The following PLPPR4 variants were observed in gnomAD, a reference collection of about 807,000 sequenced individuals.
PLPPR4 encodes phospholipid phosphatase related 4.
Under a neutral mutation model 56.6 loss-of-function variants are expected in PLPPR4, and 24 were observed. The ratio of observed to expected loss-of-function variants is 0.42; its 90% CI spans 0.31 to 0.60. The LOEUF (loss-of-function observed/expected upper bound fraction) is 0.60. PLPPR4 is among the 20% of genes least tolerant of loss of function. PLPPR4 has a pLI of 0.13. For synonymous variants in PLPPR4, 326 were observed against 328.1 expected (o/e 0.99, Z 0.07); for missense variants, 654 against 885.8 (o/e 0.74, Z 3.32).
rs1330568022 is a variant in PLPPR4, at chr1:99,265,347, CTGAG to C, written c.78+678_78+681del. The stretch of plus-strand genomic sequence containing the variant: ...TCATCTGATTTTACATGATTTGTAT[CTGAG>C]TATTTACTGTGCTGAGCAGTATTAT... On this transcript the variant is annotated intron_variant, in intron 1 of 6. Coordinates refer to ENST00000370185, the MANE Select transcript of PLPPR4 (RefSeq NM_014839.5). Among the ~76,000 whole-genome samples, 10 of 152,088 alleles carry C rather than the reference CTGAG, an allele frequency of 6.6e-5. No individual in the cohort carries two copies. In the South Asian group the frequency reaches 2.1e-3, roughly 32 times the overall value.
chr1:99,303,918 T>C (rs1005876397), intron 6 of PLPPR4, among the ~76,000 whole-genome samples: 1 of 152,154 alleles, frequency 6.6e-6, no homozygotes, highest in African/African-American at 2.4e-5. Context: ...ACTCTCTAGT[T>C]TATGTATTGC....
chr1:99,268,295 G>A (rs1557771876), intron 1 of PLPPR4, among the ~76,000 whole-genome samples: 5 of 152,354 alleles, frequency 3.3e-5, no homozygotes, highest in African/African-American at 7.2e-5. Flanking sequence ...TTGGAGGACA[G>A]TGCATACTCC....
rs763229543 is a variant in PLPPR4, at chr1:99,299,198, A to G, written c.558A>G (p.Ser186=). The change falls in exon 4 of 7, where the codon TCA becomes TCG. Residue 186 remains serine, a synonymous_variant. Transcript: ENST00000370185. The part of the protein sequence containing the change: ...ENSYIVEDIC[S]GSDLTVINSG... ...CCTACATTGTGGAAGATATTTGCTC[A>G]GGATCTGACCTCACAGTTATCAACA... The G allele has an allele frequency of 2.5e-6, 4 of 1,613,290 alleles. No homozygotes were observed. Among genetic ancestry groups the G allele is most frequent in the East Asian group, 4.5e-5 (2 of 44,810 alleles).
rs947045343 is a variant in PLPPR4, at chr1:99,309,135, G to A, written c.*2125G>A. On this transcript the variant is annotated 3_prime_UTR_variant, in exon 7 of 7. Coordinates refer to ENST00000370185, the MANE Select transcript of PLPPR4 (RefSeq NM_014839.5). ...TTAACAAATTGTACCACATTGTTAA[G>A]GACATATAATGATAGACACTAGAAC... 1 of 152,370 alleles carries A rather than the reference G, an allele frequency of 6.6e-6. No individual in the cohort carries two copies. The highest frequency in any genetic ancestry group is 2.4e-5 in the African/African-American group (1 of 41,366). The allele number at this position is 152,370 out of a possible 1,614,324, so 9.4% of individuals were successfully genotyped here. A position where few individuals can be genotyped will look rare whatever the true frequency, so the allele number is the denominator to read the frequency against.
chr1:99,263,271 G>A (rs1468730772), upstream of PLPPR4, among the ~76,000 whole-genome samples: 2 of 152,102 alleles, frequency 1.3e-5, no homozygotes, highest in Admixed American at 6.5e-5. Flanking sequence ...CAACTAAGCC[G>A]GGATATTATC....
At position 99,290,036 on chromosome 1, in the gene PLPPR4, G is replaced by A. The variant is rs1659574955; in HGVS notation, c.264+1886G>A. On this transcript the variant is annotated intron_variant, in intron 2 of 6. Coordinates refer to ENST00000370185, the MANE Select transcript of PLPPR4 (RefSeq NM_014839.5). ...ACCAGATGGCATGATCCAATGTCTA[G>A]AAAACCCCATTGTCTCAGTCCAAAA... Among the ~76,000 whole-genome samples the A allele has an allele frequency of 2.0e-5, 3 of 152,252 alleles. No individual in the cohort carries two copies. In the East Asian group the frequency reaches 5.8e-4, roughly 29 times the overall value.
In PLPPR4 at chr1:99,305,952, A is replaced by G; in HGVS notation, c.1090A>G (p.Thr364Ala). The change falls in exon 7 of 7, where the codon ACC becomes GCC. Residue 364 changes from threonine to alanine, a missense_variant. Coordinates refer to ENST00000370185, the MANE Select transcript of PLPPR4 (RefSeq NM_014839.5). ...CCCCATGGGGAAGGAGAACATGGTT[A>G]CCTTCAGCAATACCTTGCCGCGAGC... Reference protein sequence around the residue: ...RSPMGKENMVTFSNTLPRANT... With the variant: ...RSPMGKENMVAFSNTLPRANT... 6.2e-7 allele frequency: 1 copy of G among 1,614,148 alleles called. No individual in the cohort carries two copies.
intron 5 of PLPPR4, among the ~76,000 whole-genome samples, chr1:99,301,360 A>G (rs902124227): frequency 7.9e-5 from 12 of 151,966 alleles, no homozygotes; most frequent in African/African-American, 2.9e-4. Context: ...GTTTTAGGTC[A>G]GTGTAAATTT....
At chr1:99,289,814 G>A (rs547900741) in intron 2 of PLPPR4, among the ~76,000 whole-genome samples, 1 of 152,100 alleles carries the variant, frequency 6.6e-6, no homozygotes, top group South Asian at 2.1e-4. Flanking sequence ...TAACAGCCAT[G>A]TATGACAAAC....
rs1262910677 is a variant in PLPPR4 at position 99,306,519 on chromosome 1, G to A, written c.1657G>A (p.Val553Ile). 1.2e-6 allele frequency: 2 copies of A among 1,614,164 alleles called. No individual in the cohort carries two copies. The highest frequency in any genetic ancestry group is 3.3e-5 in the Admixed American group (2 of 60,026). ...SSPKNTEGST[V>I]SCTGSIRYKT... ...CCCCAAGAACACTGAAGGCAGCACG[G>A]TCTCCTGCACTGGCTCCATCCGCTA... Residue 553 changes from valine to isoleucine, a missense_variant, in exon 7 of 7, where the codon GTC becomes ATC. Transcript: ENST00000370185. The surrounding 1 kb of genome is among the most constrained non-coding windows in gnomAD (Gnocchi z 4.0).
Position 99,307,009 on chromosome 1 carries a change from G to A in PLPPR4, c.2147G>A (p.Ter716=), listed in dbSNP as rs1179934624. 3 of 1,588,534 alleles carry A rather than the reference G, an allele frequency of 1.9e-6. No individual in the cohort carries two copies. Among genetic ancestry groups the A allele is most frequent in the East Asian group, 4.5e-5 (2 of 44,734 alleles). The part of the protein sequence containing the change: ...GTSPTRAYKD[*] ...TCCCCCACACGGGCTTATAAGGATT[G>A]AGTGATGTCCATTCCATCATTAGGG... Residue 716 remains the stop codon, a stop_retained_variant, in exon 7 of 7, where the codon TGA becomes TAA. Coordinates refer to ENST00000370185, the MANE Select transcript of PLPPR4 (RefSeq NM_014839.5).
rs188794697 is a variant in PLPPR4, at chr1:99,297,767, A to G, written c.394+900A>G. On this transcript the variant is annotated intron_variant, in intron 3 of 6. Coordinates refer to ENST00000370185, the MANE Select transcript of PLPPR4 (RefSeq NM_014839.5). ...TTGAGATGATAAGAAAACAATAGAC[A>G]GCTTAACAGCATCGCAAACTCAGGC... is the stretch of plus-strand genomic sequence containing the variant. Among the ~76,000 whole-genome samples the G allele has an allele frequency of 3.1e-3, 466 of 152,262 alleles. 2 individuals are homozygous for G. Among genetic ancestry groups the G allele is most frequent in the African/African-American group, 0.011 (454 of 41,566 alleles).
chr1:99,270,006 T>TGG (rs1358295364), intron 1 of PLPPR4, among the ~76,000 whole-genome samples: 13 of 129,712 alleles, frequency 1.0e-4, no homozygotes, highest in African/African-American at 3.8e-4. Flanking sequence ...TTTGTGTGTG[T>TGG]GTGTGTGTGT....
intron 6 of PLPPR4, among the ~76,000 whole-genome samples, chr1:99,302,390 G>C (rs1350415316): frequency 6.6e-6 from 1 of 152,002 alleles, no homozygotes; most frequent in Non-Finnish European, 1.5e-5. Flanking sequence ...AACTGAGATT[G>C]TCCATTTCAT....
chr1:99,300,984 T>C lies in PLPPR4; in HGVS notation c.648+18T>C. Reference sequence around the variant, plus strand: ...ATGTTTCGGTAAGTAACTGGTTCTTTTTTGTTAAGTTGTGTTCTACAGAAA... The same window carrying C: ...ATGTTTCGGTAAGTAACTGGTTCTTCTTTGTTAAGTTGTGTTCTACAGAAA... On this transcript the variant is annotated intron_variant, in intron 5 of 6. Transcript: ENST00000370185. 2 of 1,607,066 alleles carry C rather than the reference T, an allele frequency of 1.2e-6. No homozygotes were observed. The highest frequency in any genetic ancestry group is 1.7e-6 in the Non-Finnish European group (2 of 1,174,000).
At chr1:99,269,470 G>T (rs185829087) in intron 1 of PLPPR4, among the ~76,000 whole-genome samples, 4 of 152,322 alleles carry the variant, frequency 2.6e-5, no homozygotes, top group Non-Finnish European at 5.9e-5. Context: ...TGGTTGTCTG[G>T]GGCTAGTGCA....
chr1:99,277,773 A>G (rs1330183993), intron 1 of PLPPR4, among the ~76,000 whole-genome samples: 1 of 152,112 alleles, frequency 6.6e-6, no homozygotes, highest in Non-Finnish European at 1.5e-5. Context: ...TTTTTCAGAT[A>G]TGTTATGAGT....
intron 1 of PLPPR4, among the ~76,000 whole-genome samples, chr1:99,278,775 G>T (rs1659253334): frequency 6.6e-6 from 1 of 152,158 alleles, no homozygotes; most frequent in African/African-American, 2.4e-5. Flanking sequence ...ACATCAGTGT[G>T]ATTGCATTGG....
At chr1:99,288,452 T>C (rs1026992400) in intron 2 of PLPPR4, among the ~76,000 whole-genome samples, 4 of 151,936 alleles carry the variant, frequency 2.6e-5, no homozygotes, top group African/African-American at 9.6e-5. Flanking sequence ...ATTTCTGATA[T>C]ACTTCCTAAT....
Sources: gnomAD v4.1 joint callset for allele counts (sites outside exome capture counted in the v4.1 genomes callset) on GRCh38, gnomAD v4.1.1 for gene constraint, Gnocchi (gnomAD v3.1) non-coding constraint, MANE v1.5 for transcripts, NCBI Gene and HGNC (gene_info 2026-07-23, HGNC 2026-07-21) for gene names.